Variants in UBE2H observed in about 807,000 individuals in gnomAD.
UBE2H encodes ubiquitin conjugating enzyme E2 H.
In UBE2H, 3 loss-of-function variants were observed where a neutral mutation model predicts 29.0. The ratio of observed to expected loss-of-function variants is 0.10; its 90% CI spans 0.05 to 0.27. The LOEUF (loss-of-function observed/expected upper bound fraction) is 0.27, where lower values mean the gene tolerates loss of function less well. Ranked by LOEUF, UBE2H falls within the 10% of genes least tolerant of loss-of-function variation. The probability of loss-of-function intolerance (pLI) is 1.00; values close to 1 mark genes in which losing one functional copy is unlikely to be tolerated. For synonymous variants in UBE2H, 69 were observed against 82.9 expected, an observed-to-expected ratio of 0.83 and a Z score of 0.91; for missense variants, 68 against 228.2, an observed-to-expected ratio of 0.30 and a Z score of 4.52.
intron 1 of UBE2H, among the ~76,000 whole-genome samples, chr7:129,926,521 A>G (rs1459132568): frequency 1.3e-5 from 2 of 151,046 alleles, no homozygotes; most frequent in Non-Finnish European, 1.5e-5. Context: ...AAAAAAAAAA[A>G]GAAAAAAGAA....
intron 1 of UBE2H, among the ~76,000 whole-genome samples, chr7:129,911,376 A>T (rs1357417241): frequency 1.0e-4 from 2 of 20,052 alleles, no homozygotes; most frequent in Non-Finnish European, 4.4e-4. Context: ...GTCTCAATTA[A>T]AAAAAAAAAA....
At chr7:129,938,407 C>T (rs1807572659) in intron 1 of UBE2H, among the ~76,000 whole-genome samples, 2 of 88,356 alleles carry the variant, frequency 2.3e-5, no homozygotes, top group African/African-American at 4.4e-5. Context: ...GAGAGACTGC[C>T]TCATTCAAAA....
chr7:129,910,989 T>C (rs1394610289), intron 1 of UBE2H, among the ~76,000 whole-genome samples: 1 of 151,934 alleles, frequency 6.6e-6, no homozygotes, highest in Non-Finnish European at 1.5e-5. Context: ...TGAGATTATC[T>C]CCAACAGTCC....
intron 1 of UBE2H, among the ~76,000 whole-genome samples, chr7:129,883,723 T>C (rs1430418202): frequency 6.6e-6 from 1 of 152,160 alleles, no homozygotes; most frequent in Non-Finnish European, 1.5e-5. Flanking sequence ...GTGCCTGTAG[T>C]CCCAGCTATT....
At chr7:129,857,424 C>A in intron 5 of UBE2H, 87 bp downstream of exon 5, 1 of 1,422,480 alleles carries the variant, frequency 7.0e-7, no homozygotes, top group South Asian at 1.3e-5. Flanking sequence ...ACCAACAAAA[C>A]ATCTTAAACC....
intron 1 of UBE2H, among the ~76,000 whole-genome samples, chr7:129,922,223 G>A (rs150735539): frequency 0.049 from 7,351 of 151,382 alleles, 197 homozygotes; most frequent in South Asian, 0.13. Flanking sequence ...CCTGACCTCA[G>A]GTGATCCACC....
intron 1 of UBE2H, among the ~76,000 whole-genome samples, chr7:129,902,215 A>C (rs776466444): frequency 4.6e-5 from 7 of 152,036 alleles, no homozygotes; most frequent in Non-Finnish European, 1.0e-4. Context: ...AAACCATTAC[A>C]TGGCCGGGCA....
intron 1 of UBE2H, among the ~76,000 whole-genome samples, chr7:129,944,938 GAAT>G (rs1807733131): frequency 6.6e-6 from 1 of 151,278 alleles, no homozygotes; most frequent in Admixed American, 6.6e-5. Flanking sequence ...CCACATAATA[GAAT>G]ACTACTCAGC....
At chr7:129,907,023 G>A (rs1374698094) in intron 1 of UBE2H, among the ~76,000 whole-genome samples, 2 of 152,078 alleles carry the variant, frequency 1.3e-5, no homozygotes, top group African/African-American at 4.8e-5. Flanking sequence ...TACGTCAATG[G>A]TACAACAGAG....
intron 1 of UBE2H, among the ~76,000 whole-genome samples, chr7:129,905,239 T>C (rs1038985066): frequency 6.6e-6 from 1 of 150,820 alleles, no homozygotes; most frequent in Non-Finnish European, 1.5e-5. Context: ...AGCAACTAGA[T>C]AGGGGAGAAA....
chr7:129,855,269 G>A (rs1805684012), intron 5 of UBE2H, among the ~76,000 whole-genome samples: 1 of 152,154 alleles, frequency 6.6e-6, no homozygotes, highest in Non-Finnish European at 1.5e-5. Flanking sequence ...CTGGTCAATG[G>A]TAAAAGCTTT....
At chr7:129,840,753 C>T (rs1452258224) in intron 5 of UBE2H, among the ~76,000 whole-genome samples, 1 of 152,174 alleles carries the variant, frequency 6.6e-6, no homozygotes, top group Admixed American at 6.6e-5. Context: ...ATTCCTGTTT[C>T]TGGAGACAAT....
intron 1 of UBE2H, among the ~76,000 whole-genome samples, chr7:129,949,997 G>C (rs1807842665): frequency 1.3e-5 from 2 of 151,984 alleles, no homozygotes; most frequent in Non-Finnish European, 2.9e-5. Context: ...TCACACAATT[G>C]TACTCATTTT....
intron 1 of UBE2H, among the ~76,000 whole-genome samples, chr7:129,935,645 G>A (rs1054978216): frequency 1.3e-5 from 2 of 151,958 alleles, no homozygotes; most frequent in African/African-American, 4.8e-5. Flanking sequence ...CCAGAACACT[G>A]ATATTAAAAT....
intron 3 of UBE2H, among the ~76,000 whole-genome samples, chr7:129,869,209 A>G (rs1805979378): frequency 6.6e-6 from 1 of 151,958 alleles, no homozygotes; most frequent in South Asian, 2.1e-4. Context: ...AAGTGCTGGG[A>G]TTACAGACGT....
chr7:129,893,838 C>G lies in UBE2H; in HGVS notation c.54-12867G>C, dbSNP rs774675932. 2.8e-4 allele frequency among the ~76,000 whole-genome samples: 43 copies of G among 152,168 alleles called. 1 individual carries two copies. The highest frequency in any genetic ancestry group is 2.8e-3 in the Admixed American group (43 of 15,270). On this transcript the variant is annotated intron_variant, in intron 1 of 6. Transcript: ENST00000355621. ...TATATTAGCTAAATAGTATATTACT[C>G]TCTTAACTCCTAAAGGGTTAATCAA...
chr7:129,900,642 T>G (rs1302943518), intron 1 of UBE2H, among the ~76,000 whole-genome samples: 1 of 152,156 alleles, frequency 6.6e-6, no homozygotes, highest in East Asian at 1.9e-4. Flanking sequence ...TATTATACTT[T>G]AAGTTTTAGG....
At chr7:129,855,689 AG>A (rs1313837538) in intron 5 of UBE2H, among the ~76,000 whole-genome samples, 1 of 152,212 alleles carries the variant, frequency 6.6e-6, no homozygotes, top group African/African-American at 2.4e-5. Context: ...TTACAATCCA[AG>A]GGGATAAGAT....
intron 1 of UBE2H, among the ~76,000 whole-genome samples, chr7:129,884,697 C>T (rs1806324416): frequency 6.6e-6 from 1 of 151,698 alleles, no homozygotes; most frequent in South Asian, 2.1e-4. Flanking sequence ...GTGATCCTCC[C>T]ACCTCTACTT....
Sources: gnomAD v4.1 joint callset for allele counts (sites outside exome capture counted in the v4.1 genomes callset) on GRCh38, gnomAD v4.1.1 for gene constraint, MANE v1.5 for transcripts, NCBI Gene and HGNC (gene_info 2026-07-23, HGNC 2026-07-21) for gene names.